TRIO: variants seen among roughly 807,000 people sequenced by gnomAD.
TRIO encodes trio Rho guanine nucleotide exchange factor.
A neutral mutation model predicts 351.9 loss-of-function variants in TRIO; 58 were observed. The observed-to-expected ratio is 0.16, with a 90% CI of 0.13 to 0.21. TRIO has a LOEUF of 0.21. TRIO is among the 10% of genes least tolerant of loss of function. TRIO has a pLI of 1.00. For synonymous variants in TRIO, 1,758 were observed against 1,595.7 expected, an observed-to-expected ratio of 1.10 and a Z score of -2.42; for missense variants, 3,201 against 4,027.8, an observed-to-expected ratio of 0.79 and a Z score of 5.56.
Position 14,505,876 on chromosome 5 carries a change from C to T in TRIO, c.8613-1246C>T, listed in dbSNP as rs569576547. 3.3e-5 allele frequency among the ~76,000 whole-genome samples: 5 copies of T among 152,316 alleles called. No homozygotes were observed. In the East Asian group the frequency reaches 5.8e-4, roughly 18 times the overall value. On this transcript the variant is annotated intron_variant, in intron 55 of 56. Transcript: ENST00000344204. The stretch of plus-strand genomic sequence containing the variant: ...CATGGCAGAAGGGCAGACGGTGGGG[C>T]GCAGTGAGGCTGAGCAGTGTGTATG...
chr5:14,291,816 A>AAAAAAAAAAT (rs1736940042), intron 5 of TRIO, among the ~76,000 whole-genome samples: 3 of 142,534 alleles, frequency 2.1e-5, no homozygotes, highest in Non-Finnish European at 3.1e-5. Flanking sequence ...AAAAAAAAAA[A>AAAAAAAAAAT]GTGAAAATTT....
At position 14,358,158 on chromosome 5, in the gene TRIO, C is replaced by T. The variant is rs1411774152; in HGVS notation, c.2047-20C>T. The T allele has an allele frequency of 3.7e-6, 6 of 1,601,378 alleles. No individual in the cohort carries two copies. The Admixed American group carries it at 5.0e-5, about 13-fold the overall frequency. ...GTGCAGCCAGGCCGGCCGGCCTCAC[C>T]CCCCTCTCCCCTTCCCCAGCTGTGG... On this transcript the variant is annotated intron_variant, in intron 11 of 56. Coordinates refer to ENST00000344204, the MANE Select transcript of TRIO (RefSeq NM_007118.4).
chr5:14,437,193 A>G (rs1751652956), intron 34 of TRIO, among the ~76,000 whole-genome samples: 1 of 152,010 alleles, frequency 6.6e-6, no homozygotes, highest in South Asian at 2.1e-4. Context: ...TTGGATATTG[A>G]ATTTTTTACT....
intron 1 of TRIO, among the ~76,000 whole-genome samples, chr5:14,155,406 A>G (rs766466808): frequency 6.6e-5 from 10 of 152,242 alleles, no homozygotes; most frequent in Non-Finnish European, 1.2e-4. Flanking sequence ...TTGATATGAT[A>G]TCATGATCTA....
intron 34 of TRIO, among the ~76,000 whole-genome samples, chr5:14,430,216 C>CAA (rs139833933): frequency 0.069 from 8,160 of 118,330 alleles, 355 homozygotes; most frequent in African/African-American, 0.14. Context: ...ACCCAAATAG[C>CAA]AAAAAAAAAA....
At chr5:14,192,633 C>T (rs1410150363) in intron 1 of TRIO, among the ~76,000 whole-genome samples, 3 of 152,096 alleles carry the variant, frequency 2.0e-5, no homozygotes, top group Admixed American at 2.0e-4. Flanking sequence ...ATAATGGGAC[C>T]CTACTTACTC....
chr5:14,167,102 A>G (rs928164137), intron 1 of TRIO, among the ~76,000 whole-genome samples: 4 of 151,612 alleles, frequency 2.6e-5, no homozygotes, highest in East Asian at 1.9e-4. Flanking sequence ...TGATCAGTCA[A>G]TGGAGGGTGA....
intron 1 of TRIO, among the ~76,000 whole-genome samples, chr5:14,173,701 G>A (rs535463028): frequency 3.9e-5 from 6 of 152,284 alleles, no homozygotes; most frequent in African/African-American, 9.6e-5. Context: ...AGAGCTCTAC[G>A]CTTAGGACAG....
chr5:14,240,565 A>G (rs1374441352), intron 1 of TRIO, among the ~76,000 whole-genome samples: 5 of 152,238 alleles, frequency 3.3e-5, no homozygotes, highest in East Asian at 1.9e-4. Flanking sequence ...GATGAAATCT[A>G]AGCCAAGCAT....
rs80141303 is a variant in TRIO, at chr5:14,351,084, C to T, written c.2047-7094C>T. Among the ~76,000 whole-genome samples the T allele has an allele frequency of 4.0e-3, 614 of 152,296 alleles. 6 individuals are homozygous for T. Among genetic ancestry groups the T allele is most frequent in the African/African-American group, 0.014 (577 of 41,546 alleles). ...CCACTTGCCTGCTGCTCACCTCCCA[C>T]TGTGCAGCCCAGCTCCTAACAAGCC... On this transcript the variant is annotated intron_variant, in intron 11 of 56. Coordinates refer to ENST00000344204, the MANE Select transcript of TRIO (RefSeq NM_007118.4).
chr5:14,366,926 C>A lies in TRIO; in HGVS notation c.2821C>A (p.Gln941Lys), dbSNP rs1744650392. 2 of 1,614,200 alleles carry A rather than the reference C, an allele frequency of 1.2e-6. No individual in the cohort carries two copies. Among genetic ancestry groups the A allele is most frequent in the Non-Finnish European group, 1.7e-6 (2 of 1,180,042 alleles). ...CGGACTTATCACAGCCAGCTCGTTACAAGAGGCAGAGCAGCTCCAGCGAGA... is the reference window on the plus strand; with the variant it reads ...CGGACTTATCACAGCCAGCTCGTTAAAAGAGGCAGAGCAGCTCCAGCGAGA... ...NAGLITASSL[Q>K]EAEQLQREHE... The change falls in exon 16 of 57, where the codon CAA (glutamine) becomes AAA (lysine). Residue 941 changes from glutamine (Q) to lysine (K), a missense_variant. Physicochemically the swap from Gln to Lys is moderately conservative, Grantham distance 53. This residue lies in a region of TRIO where 363 missense variants were observed against 553.5 expected (regional missense o/e 0.66). Transcript: ENST00000344204.
chr5:14,379,554 T>G (rs1278221949), intron 20 of TRIO, among the ~76,000 whole-genome samples: 1 of 152,192 alleles, frequency 6.6e-6, no homozygotes, highest in African/African-American at 2.4e-5. Flanking sequence ...CAGTCACGTT[T>G]AGTAAATTAT....
chr5:14,454,947 G>A (rs553860133), intron 34 of TRIO, among the ~76,000 whole-genome samples: 12 of 152,094 alleles, frequency 7.9e-5, no homozygotes, highest in South Asian at 6.2e-4. Context: ...AGACCTTCGC[G>A]GTGAGTGTTA....
chr5:14,380,742 T>C (rs1579484509), intron 20 of TRIO, among the ~76,000 whole-genome samples: 1 of 152,294 alleles, frequency 6.6e-6, no homozygotes, highest in East Asian at 1.9e-4. Flanking sequence ...GAATTATAAA[T>C]CATTCTACTA....
intron 34 of TRIO, among the ~76,000 whole-genome samples, chr5:14,455,729 C>G (rs539040023): frequency 6.6e-6 from 1 of 152,334 alleles, no homozygotes; most frequent in Admixed American, 6.5e-5. Flanking sequence ...ATCCATGAAC[C>G]CTGAGCTAGA....
In TRIO at chr5:14,143,648, C is replaced by A; in HGVS notation, c.-78C>A. The stretch of plus-strand genomic sequence containing the variant: ...CAGCTGGGTGCTCGGCGCCGCCAGG[C>A]CCGGCGCGGAGCGGGCGGCACGCGG... On this transcript the variant is annotated 5_prime_UTR_variant, in exon 1 of 57. Coordinates refer to ENST00000344204, the MANE Select transcript of TRIO (RefSeq NM_007118.4). 1 of 681,456 alleles carries A rather than the reference C, an allele frequency of 1.5e-6. No individual in the cohort carries two copies. Among genetic ancestry groups the A allele is most frequent in the Non-Finnish European group, 1.8e-6 (1 of 555,876 alleles). 42.2% of individuals were successfully genotyped at this position (681,456 alleles called of 1,614,324 possible). A position where few individuals can be genotyped will look rare whatever the true frequency, so the allele number is the denominator to read the frequency against.
Position 14,358,273 on chromosome 5 carries a change from C to A in TRIO, c.2142C>A (p.Gly714=), listed in dbSNP as rs2152335970. The change falls in exon 12 of 57, where the codon GGC becomes GGA. Residue 714 remains glycine (G), a synonymous_variant. Coordinates refer to ENST00000344204, the MANE Select transcript of TRIO (RefSeq NM_007118.4). ...TGCAGGACCTCATCAAGCGCTTTGG[C>A]CAGCAGCAGCAGACCACCCTGCAGG... The part of the protein sequence containing the change: ...EAVQDLIKRF[G]QQQQTTLQVT... 6.2e-7 allele frequency: 1 copy of A among 1,614,178 alleles called. No individual in the cohort carries two copies. The highest frequency in any genetic ancestry group is 8.5e-7 in the Non-Finnish European group (1 of 1,180,024).
intron 30 of TRIO, chr5:14,399,416 T>A (rs563058342): frequency 2.9e-6 from 1 of 339,286 alleles, no homozygotes; most frequent in South Asian, 1.1e-4. Flanking sequence ...GTTCTTATTA[T>A]AATTAATTTT....
In TRIO at chr5:14,496,929, A is replaced by G; in HGVS notation, c.7931A>G (p.Lys2644Arg). The G allele has an allele frequency of 6.2e-7, 1 of 1,614,216 alleles. No individual in the cohort carries two copies. The highest frequency in any genetic ancestry group is 8.5e-7 in the Non-Finnish European group (1 of 1,180,048). Residue 2644 changes from lysine to arginine, a missense_variant, in exon 50 of 57, where the codon AAA becomes AGA. Physicochemically the swap from Lys to Arg is conservative, Grantham distance 26. Transcript: ENST00000344204. Reference protein sequence around the residue: ...TALRLRKKSEKKDKDGKREGK... With the variant: ...TALRLRKKSERKDKDGKREGK... Reference sequence around the variant, plus strand: ...CTCCGTTTAAGGAAAAAATCTGAGAAAAAAGATAAAGACGGCAAAAGGGAA... The same window carrying G: ...CTCCGTTTAAGGAAAAAATCTGAGAGAAAAGATAAAGACGGCAAAAGGGAA...
Sources: allele counts gnomAD v4.1 joint callset (sites outside exome capture counted in the v4.1 genomes callset), GRCh38; gene constraint gnomAD v4.1.1; regional missense constraint gnomAD v4.1.1; transcripts MANE v1.5; gene names NCBI Gene and HGNC (gene_info 2026-07-23, HGNC 2026-07-21).